Variants in DIAPH3 observed in about 807,000 individuals in gnomAD.
The protein encoded by DIAPH3 is diaphanous related formin 3, also known as protein diaphanous homolog 3.
In DIAPH3, 117 loss-of-function variants were observed where a neutral mutation model predicts 144.3. The ratio of observed to expected loss-of-function variants is 0.81; its 90% confidence interval spans 0.70 to 0.95. DIAPH3 has a LOEUF of 0.95. Among genes scored for constraint, DIAPH3 ranks in the 40% least tolerant of loss-of-function variants. DIAPH3 has a pLI of 0.00. For missense variants in DIAPH3, 1,421 were observed against 1,412.7 expected (o/e 1.01, Z -0.09); for synonymous variants, 519 against 488.9 (o/e 1.06, Z -0.81).
At chr13:59,810,436 A>C (rs1337307077) in intron 25 of DIAPH3, among the ~76,000 whole-genome samples, 2 of 152,216 alleles carry the variant, frequency 1.3e-5, no homozygotes, top group Admixed American at 1.3e-4. Flanking sequence ...ACCGGGTTAC[A>C]TGTCCTATAG....
intron 1 of DIAPH3, among the ~76,000 whole-genome samples, chr13:60,139,945 C>T (rs1285838108): frequency 1.3e-5 from 2 of 152,192 alleles, no homozygotes; most frequent in Non-Finnish European, 2.9e-5. Context: ...AATCTCTGAA[C>T]CACTTTACAA....
chr13:59,927,920 A>C (rs1393522602), intron 17 of DIAPH3, among the ~76,000 whole-genome samples: 1 of 152,124 alleles, frequency 6.6e-6, no homozygotes. Flanking sequence ...CTGGATGTCT[A>C]TTTCTTTCCC....
chr13:59,726,150 T>C (rs1299987483), intron 27 of DIAPH3, among the ~76,000 whole-genome samples: 1 of 152,250 alleles, frequency 6.6e-6, no homozygotes, highest in Non-Finnish European at 1.5e-5. Flanking sequence ...TTATTTCATA[T>C]AGCCAAATTT....
chr13:59,692,524 C>G (rs1450750385), intron 27 of DIAPH3, among the ~76,000 whole-genome samples: 1 of 151,762 alleles, frequency 6.6e-6, no homozygotes, highest in Non-Finnish European at 1.5e-5. Flanking sequence ...TGAAGCCCAG[C>G]CTTACTCCAT....
chr13:59,748,854 C>CT (rs2036835687), intron 27 of DIAPH3, among the ~76,000 whole-genome samples: 3 of 152,268 alleles, frequency 2.0e-5, no homozygotes, highest in Non-Finnish European at 2.9e-5. Flanking sequence ...TCTCTGTTGA[C>CT]TGAGGAATTA....
At chr13:59,977,890 C>A (rs564385230) in intron 14 of DIAPH3, among the ~76,000 whole-genome samples, 3 of 151,830 alleles carry the variant, frequency 2.0e-5, no homozygotes, top group South Asian at 4.2e-4. Context: ...ATATGCTCAG[C>A]TTGAGATAGG....
At chr13:60,001,038 T>C (rs1465250209) in intron 9 of DIAPH3, among the ~76,000 whole-genome samples, 3 of 152,212 alleles carry the variant, frequency 2.0e-5, no homozygotes, top group Non-Finnish European at 4.4e-5. Context: ...TTTCCACTTG[T>C]ATTGCAAGTA....
At chr13:60,059,296 T>G (rs2056677872) in intron 4 of DIAPH3, among the ~76,000 whole-genome samples, 1 of 151,962 alleles carries the variant, frequency 6.6e-6, no homozygotes, top group African/African-American at 2.4e-5. Context: ...AGCTAGATAC[T>G]GATTACATGG....
At chr13:59,933,604 C>T (rs899180890) in intron 17 of DIAPH3, among the ~76,000 whole-genome samples, 9 of 152,096 alleles carry the variant, frequency 5.9e-5, no homozygotes, top group Non-Finnish European at 8.8e-5. Context: ...AGCTTTGTTG[C>T]CATTAGAGTT....
At chr13:59,787,591 C>G (rs995227587) in intron 25 of DIAPH3, among the ~76,000 whole-genome samples, 2 of 152,126 alleles carry the variant, frequency 1.3e-5, no homozygotes, top group Non-Finnish European at 2.9e-5. Context: ...AAACTGTACA[C>G]ATAAACAATG....
chr13:59,923,705 C>A (rs1018391564), intron 18 of DIAPH3, among the ~76,000 whole-genome samples: 1 of 152,092 alleles, frequency 6.6e-6, no homozygotes, highest in Non-Finnish European at 1.5e-5. Context: ...TTGACAGGGG[C>A]AGAGATGTGC....
At chr13:59,892,121 ACAAAT>A (rs1367823322) in intron 20 of DIAPH3, among the ~76,000 whole-genome samples, 2 of 151,996 alleles carry the variant, frequency 1.3e-5, no homozygotes, top group Non-Finnish European at 2.9e-5. Flanking sequence ...AAAACAACAA[ACAAAT>A]CAGATCATTT....
chr13:59,731,566 A>C (rs2035891950), intron 27 of DIAPH3, among the ~76,000 whole-genome samples: 2 of 152,180 alleles, frequency 1.3e-5, no homozygotes, highest in South Asian at 2.1e-4. Context: ...TCTGTATGAC[A>C]TTTTGACCTG....
intron 5 of DIAPH3, among the ~76,000 whole-genome samples, chr13:60,036,685 C>T (rs1184755954): frequency 2.0e-5 from 3 of 152,002 alleles, no homozygotes; most frequent in South Asian, 2.1e-4. Context: ...CTGAATATAT[C>T]GTTAATTATC....
chr13:59,792,079 T>G (rs533086122), intron 25 of DIAPH3, among the ~76,000 whole-genome samples: 7 of 152,206 alleles, frequency 4.6e-5, no homozygotes, highest in Middle Eastern at 3.4e-3. Context: ...CACCATACAC[T>G]CCTTTCACCT....
intron 22 of DIAPH3, among the ~76,000 whole-genome samples, chr13:59,840,273 A>C (rs1433998433): frequency 6.6e-6 from 1 of 152,172 alleles, no homozygotes; most frequent in African/African-American, 2.4e-5. Context: ...GTTTTTGTTC[A>C]ATGTGAACTA....
intron 27 of DIAPH3, among the ~76,000 whole-genome samples, chr13:59,762,991 A>G (rs1349700844): frequency 2.0e-5 from 3 of 152,120 alleles, no homozygotes; most frequent in African/African-American, 4.8e-5. Flanking sequence ...CAGAGCCTCA[A>G]TCTTGAACTT....
intron 2 of DIAPH3, among the ~76,000 whole-genome samples, chr13:60,116,061 G>T (rs1377526678): frequency 6.6e-6 from 1 of 152,062 alleles, no homozygotes; most frequent in Non-Finnish European, 1.5e-5. Flanking sequence ...AGGCTGTAGG[G>T]AAGTGATACA....
chr13:59,998,229 T>C (rs2052322426), intron 9 of DIAPH3, among the ~76,000 whole-genome samples: 4 of 152,124 alleles, frequency 2.6e-5, no homozygotes, highest in African/African-American at 7.2e-5. Context: ...ATACCAGGGA[T>C]ACTAAAGAAC....
Sources: gnomAD v4.1 joint callset for allele counts (sites outside exome capture counted in the v4.1 genomes callset) on GRCh38, gnomAD v4.1.1 for gene constraint, MANE v1.5 for transcripts, NCBI Gene and HGNC (gene_info 2026-07-23, HGNC 2026-07-21) for gene names.